PGAP2: variants seen among roughly 807,000 people sequenced by gnomAD.
The protein encoded by PGAP2 is post-GPI attachment to proteins 2, also known as acyltransferase PGAP2.
In PGAP2, 21 loss-of-function variants were observed where a neutral mutation model predicts 33.2. That is an observed-to-expected ratio of 0.63 (90% CI 0.45 to 0.91). PGAP2 has a LOEUF of 0.91. Ranked by LOEUF, PGAP2 falls within the 40% of genes least tolerant of loss-of-function variation. The pLI is 0.00. For synonymous variants in PGAP2, 161 were observed against 172.9 expected (o/e 0.93, Z 0.54); for missense variants, 345 against 424.0 (o/e 0.81, Z 1.64).
At chr11:3,814,812 CTCTTTCTTTCT>C (rs2086574406) in intron 2 of PGAP2, among the ~76,000 whole-genome samples, 2 of 97,418 alleles carry the variant, frequency 2.1e-5, no homozygotes, top group Admixed American at 1.1e-4. Context: ...TTCTTTCTTT[CTCTTTCTTTCT>C]TTTTTTCTTT....
Position 3,824,234 on chromosome 11 carries a change from C to T in PGAP2, c.602-36C>T, listed in dbSNP as rs749262050. 1.5e-5 allele frequency: 24 copies of T among 1,613,416 alleles called. No homozygotes were observed. The African/African-American group carries it at 2.8e-4, about 19-fold the overall frequency. On this transcript the variant is annotated intron_variant, in intron 4 of 6. Transcript: ENST00000278243. ...CTTCCTACTTCGTGGTGTGGGCACT[C>T]CCTGCAATGTGGCTCCCAATCCTCT...
At chr11:3,800,038 G>C (rs145482060) in intron 1 of PGAP2, among the ~76,000 whole-genome samples, 1 of 152,304 alleles carries the variant, frequency 6.6e-6, no homozygotes, top group Non-Finnish European at 1.5e-5. Context: ...GTACATTGTA[G>C]GTGCTCAGTA....
chr11:3,809,928 T>C (rs1174415370), intron 1 of PGAP2, among the ~76,000 whole-genome samples: 6 of 152,188 alleles, frequency 3.9e-5, no homozygotes, highest in Non-Finnish European at 4.4e-5. Context: ...AGGGTTCTTT[T>C]TGAGGGTGGG....
rs1303769955 is a variant in PGAP2 at position 3,825,135 on chromosome 11, C to T, written c.817+7C>T. On this transcript the variant is annotated splice_region_variant and intron_variant, in intron 6 of 6. Transcript: ENST00000278243. ...ATGTATTGTGAGGCTGGAGGTGAGGCCAGGATAGGATCCACAGGCGGTCAT... is the reference window on the plus strand; with the variant it reads ...ATGTATTGTGAGGCTGGAGGTGAGGTCAGGATAGGATCCACAGGCGGTCAT... The T allele has an allele frequency of 6.2e-7, 1 of 1,613,644 alleles. No individual in the cohort carries two copies. The highest frequency in any genetic ancestry group is 2.2e-5 in the East Asian group (1 of 44,870).
chr11:3,820,131 T>C (rs1260115910), intron 3 of PGAP2, among the ~76,000 whole-genome samples: 1 of 152,118 alleles, frequency 6.6e-6, no homozygotes, highest in Non-Finnish European at 1.5e-5. Flanking sequence ...GGAGTAGTTT[T>C]CAGATTGAAT....
Position 3,826,107 on chromosome 11 carries a change from T to G in PGAP2, c.*649T>G, listed in dbSNP as rs2089985375. ...CTGATGTCATCGGGTGGAGGTGGTG[T>G]TCTATACCTAAAGGATGACCTGCTC... On this transcript the variant is annotated 3_prime_UTR_variant, in exon 7 of 7. Transcript: ENST00000278243. The G allele has an allele frequency of 1.3e-5, 2 of 152,440 alleles. No homozygotes were observed. The highest frequency in any genetic ancestry group is 2.4e-5 in the African/African-American group (1 of 41,396). 9.4% of individuals were successfully genotyped at this position (152,440 alleles called of 1,614,324 possible).
At chr11:3,823,808 G>T (rs757744430) in intron 3 of PGAP2, 75 bp from the exon 4 acceptor site, 87 of 1,597,568 alleles carry the variant, frequency 5.4e-5, no homozygotes, top group Non-Finnish European at 6.9e-5. Flanking sequence ...GAGTGATTTT[G>T]TCAGATGGAG....
chr11:3,824,842 G>A (rs2089718706), intron 5 of PGAP2, 178 bp from the exon 6 acceptor site: 1 of 1,440,430 alleles, frequency 6.9e-7, no homozygotes, highest in Non-Finnish European at 9.1e-7. Flanking sequence ...CACTCCCCCA[G>A]AGGCAGGGAC....
chr11:3,805,993 G>A (rs942474366), upstream of PGAP2, among the ~76,000 whole-genome samples: 5 of 151,704 alleles, frequency 3.3e-5, no homozygotes, highest in Non-Finnish European at 7.4e-5. Flanking sequence ...GCGAGACCTT[G>A]TTTTAAATAA....
Position 3,823,863 on chromosome 11 carries a change from G to A in PGAP2, c.349-20G>A. 1 of 1,599,490 alleles carries A rather than the reference G, an allele frequency of 6.3e-7. No individual in the cohort carries two copies. The highest frequency in any genetic ancestry group is 8.5e-7 in the Non-Finnish European group (1 of 1,178,510). Reference sequence around the variant, plus strand: ...CGGGGCTGGCAGAGGCAGATGCCCAGACAGGTCACAACTCTCTAGGTGCCC... The same window carrying A: ...CGGGGCTGGCAGAGGCAGATGCCCAAACAGGTCACAACTCTCTAGGTGCCC... On this transcript the variant is annotated intron_variant, in intron 3 of 6. Transcript: ENST00000278243.
At chr11:3,797,934 G>A (rs897839598) in exon 1 of PGAP2, 8 of 1,547,994 alleles carry the variant, frequency 5.2e-6, no homozygotes, top group Non-Finnish European at 7.0e-6. Flanking sequence ...GCCGCGACTC[G>A]GGCTGAGGGA....
intron 5 of PGAP2, 178 bp downstream of exon 5, chr11:3,824,554 A>C: frequency 1.1e-6 from 1 of 923,502 alleles, no homozygotes; most frequent in South Asian, 1.5e-5. Context: ...GTCAGAATCT[A>C]GGACTATAGC....
At chr11:3,814,750 T>TCC (rs2086419726) in intron 2 of PGAP2, among the ~76,000 whole-genome samples, 1 of 38,208 alleles carries the variant, frequency 2.6e-5, no homozygotes, top group African/African-American at 8.9e-5. Flanking sequence ...TTTCCTTCTT[T>TCC]TCTTTCTTTC....
At position 3,817,477 on chromosome 11, in the gene PGAP2, T is replaced by C. The variant is rs768822444; in HGVS notation, c.290T>C (p.Phe97Ser). The change falls in exon 3 of 7, where the codon TTC (phenylalanine) becomes TCC (serine). Residue 97 changes from phenylalanine to serine, a missense_variant. By Grantham distance (155) the Phe-to-Ser change is radical. Around this residue, in one of 2 missense-constraint regions of PGAP2, gnomAD observed 311 missense variants for 353.6 expected, o/e 0.88. Transcript: ENST00000278243. ...AITFPVFGFF[F>S]CIIWSLVFHF... is the part of the protein sequence containing the mutation. ...ACTTTTCCTGTGTTCGGCTTCTTCTTCTGCATCATCTGGTCCCTGGTGTTC... is the reference window on the plus strand; with the variant it reads ...ACTTTTCCTGTGTTCGGCTTCTTCTCCTGCATCATCTGGTCCCTGGTGTTC... The C allele has an allele frequency of 1.2e-6, 2 of 1,614,092 alleles. No individual in the cohort carries two copies. Among genetic ancestry groups the C allele is most frequent in the Admixed American group, 1.7e-5 (1 of 60,004 alleles).
chr11:3,803,304 T>A (rs2134164550), intron 1 of PGAP2, among the ~76,000 whole-genome samples: 2 of 149,246 alleles, frequency 1.3e-5, no homozygotes, highest in Non-Finnish European at 3.0e-5. Flanking sequence ...TGTTTTTTTT[T>A]TTTTAGTAGA....
upstream of PGAP2, among the ~76,000 whole-genome samples, chr11:3,806,743 T>C (rs61896954): frequency 0.091 from 13,873 of 152,228 alleles, 858 homozygotes; most frequent in Middle Eastern, 0.16. Context: ...AAATAGTATC[T>C]ACTGGCGGAG....
rs529813084 is a variant in PGAP2 at position 3,803,308 on chromosome 11, T to C, written c.140-4986T>C. ...ACACCCGGCCCTGTTTTTTTTTTTT[T>C]AGTAGAGACGGGGTTTCACCATGTT... On this transcript the variant is annotated intron_variant, in intron 1 of 6. Transcript: ENST00000300730. 6.9e-3 allele frequency among the ~76,000 whole-genome samples: 843 copies of C among 122,738 alleles called. 6 individuals are homozygous for C. Among genetic ancestry groups the C allele is most frequent in the African/African-American group, 0.022 (796 of 35,792 alleles). The allele number at this position is 122,738 out of a possible 152,430, so 80.5% of individuals were successfully genotyped here.
rs199825792 is a variant in PGAP2 at position 3,824,032 on chromosome 11, G to A, written c.498G>A (p.Pro166=). 4.7e-5 allele frequency: 76 copies of A among 1,614,128 alleles called. 1 individual carries two copies. The East Asian group carries it at 1.2e-3, about 26-fold the overall frequency. ...ACCACTACCTCAGCTGCACCTCCCC[G>A]TGTTCCTGCTATCGCCCGCTCTGCC... ...YWNHYLSCTS[P]CSCYRPLCRL... The change falls in exon 4 of 7, where the codon CCG becomes CCA. Residue 166 remains proline, a synonymous_variant. Transcript: ENST00000278243.
chr11:3,799,962 C>T (rs561916385), intron 1 of PGAP2, among the ~76,000 whole-genome samples: 14 of 151,972 alleles, frequency 9.2e-5, no homozygotes, highest in African/African-American at 2.4e-4. Flanking sequence ...ACGGAGCCTC[C>T]GACTGGGGGA....
Sources: gnomAD v4.1 joint callset for allele counts (sites outside exome capture counted in the v4.1 genomes callset) on GRCh38, gnomAD v4.1.1 for gene constraint, gnomAD v4.1.1 regional missense constraint, MANE v1.5 for transcripts, NCBI Gene and HGNC (gene_info 2026-07-23, HGNC 2026-07-21) for gene names.